Variants in GIGYF2 observed in about 807,000 individuals in gnomAD.
GIGYF2 encodes the protein GRB10-interacting GYF protein 2.
Under a neutral mutation model 208.1 loss-of-function variants are expected in GIGYF2, and 25 were observed. The observed-to-expected ratio is 0.12, with a 90% confidence interval of 0.09 to 0.17. The LOEUF (loss-of-function observed/expected upper bound fraction) is 0.17. GIGYF2 is among the 10% of genes least tolerant of loss of function. The pLI is 1.00. For missense variants in GIGYF2, 1,302 were observed against 1,579.4 expected (o/e 0.82, Z 2.98); for synonymous variants, 534 against 543.8 (o/e 0.98, Z 0.25).
At chr2:232,720,013 T>C (rs543282679) in intron 2 of GIGYF2, among the ~76,000 whole-genome samples, 1 of 152,348 alleles carries the variant, frequency 6.6e-6, no homozygotes. Context: ...GTTACATAGT[T>C]GTACATGTGC....
At chr2:232,811,985 T>C (rs1162783883) in intron 17 of GIGYF2, among the ~76,000 whole-genome samples, 1 of 152,230 alleles carries the variant, frequency 6.6e-6, no homozygotes, top group East Asian at 1.9e-4. Flanking sequence ...GCTGTAGGAC[T>C]TGATTAATGT....
intron 2 of GIGYF2, among the ~76,000 whole-genome samples, chr2:232,722,849 A>G (rs564493396): frequency 2.6e-5 from 4 of 152,316 alleles, no homozygotes; most frequent in Non-Finnish European, 5.9e-5. Flanking sequence ...CAATTTCTTT[A>G]GTTTCCTCAA....
intron 14 of GIGYF2, among the ~76,000 whole-genome samples, chr2:232,802,631 T>C (rs1249408554): frequency 6.6e-6 from 1 of 152,214 alleles, no homozygotes; most frequent in African/African-American, 2.4e-5. Flanking sequence ...AATATATTGC[T>C]GAATTTGCTT....
intron 18 of GIGYF2, 92 bp downstream of exon 18, chr2:232,812,583 TCTGAA>T: frequency 1.5e-6 from 1 of 685,798 alleles, no homozygotes; most frequent in South Asian, 1.6e-5. Flanking sequence ...ATATTAGGTT[TCTGAA>T]TCCATTTTGT....
intron 8 of GIGYF2, among the ~76,000 whole-genome samples, chr2:232,770,351 C>A (rs1699183526): frequency 2.0e-5 from 3 of 152,240 alleles, no homozygotes; most frequent in African/African-American, 7.2e-5. Flanking sequence ...GACATATTTC[C>A]AGTGCATTTT....
chr2:232,857,139 T>G lies in GIGYF2; in HGVS notation c.*279T>G, dbSNP rs1690609199. 1.9e-6 allele frequency: 1 copy of G among 523,676 alleles called. No homozygotes were observed. Among genetic ancestry groups the G allele is most frequent in the Non-Finnish European group, 3.5e-6 (1 of 289,148 alleles). The allele number at this position is 523,676 out of a possible 1,614,324, so 32.4% of individuals were successfully genotyped here. ...AAGGCTGATTTTAGGCAGCATGTGT[T>G]CACTGTGCTGTGATTTCATCTACTG... On this transcript the variant is annotated 3_prime_UTR_variant, in exon 29 of 29. Coordinates refer to ENST00000373563, the MANE Select transcript of GIGYF2 (RefSeq NM_001103146.3).
chr2:232,858,355 C>T lies in GIGYF2; in HGVS notation c.*1495C>T. On this transcript the variant is annotated 3_prime_UTR_variant, in exon 29 of 29. Coordinates refer to ENST00000373563, the MANE Select transcript of GIGYF2 (RefSeq NM_001103146.3). ...TTTATTATTTTGGATCACCATTCTCCCTATCCCTTCTTGCCTCCCTCCCTT... is the reference window on the plus strand; with the variant it reads ...TTTATTATTTTGGATCACCATTCTCTCTATCCCTTCTTGCCTCCCTCCCTT... The T allele has an allele frequency of 2.5e-6, 1 of 407,840 alleles. No individual in the cohort carries two copies. The allele number at this position is 407,840 out of a possible 1,614,324, so 25.3% of individuals were successfully genotyped here.
chr2:232,730,616 A>AAG (rs58663398), intron 2 of GIGYF2, among the ~76,000 whole-genome samples: 2 of 109,816 alleles, frequency 1.8e-5, no homozygotes, highest in African/African-American at 7.1e-5. Flanking sequence ...AAAAAAAAAA[A>AAG]GGCCGGGCGC....
intron 2 of GIGYF2, chr2:232,705,886 G>A (rs1487664792): frequency 2.0e-5 from 3 of 151,944 alleles, no homozygotes; most frequent in South Asian, 2.1e-4. Context: ...TGTATTTTTA[G>A]TAGAGACAGG....
Position 232,836,336 on chromosome 2 carries a change from AT to A in GIGYF2, c.2766+3244del, listed in dbSNP as rs1559160783. 8.4e-3 allele frequency among the ~76,000 whole-genome samples: 361 copies of A among 42,800 alleles called. 18 individuals are homozygous for A. Among genetic ancestry groups the A allele is most frequent in the African/African-American group, 0.026 (258 of 9,930 alleles). The allele number at this position is 42,800 out of a possible 152,430, so 28.1% of individuals were successfully genotyped here. ...TATATATATATATATATATACATAT[AT>A]ATACTTATATATTTATATATATAAA... On this transcript the variant is annotated intron_variant, in intron 22 of 28. Coordinates refer to ENST00000373563, the MANE Select transcript of GIGYF2 (RefSeq NM_001103146.3).
At chr2:232,762,238 GT>G (rs11301320) in intron 8 of GIGYF2, among the ~76,000 whole-genome samples, 41,246 of 128,822 alleles carry the variant, frequency 0.32, 5,851 homozygotes, top group African/African-American at 0.38. Flanking sequence ...TTTTTTTTTT[GT>G]TTTTTTTTTT....
At position 232,819,831 on chromosome 2, in the gene GIGYF2, A is replaced by G; in HGVS notation, c.2375A>G (p.Glu792Gly). Reference sequence around the variant, plus strand: ...CCCTCCATCTTTTTTCCTTAGGAAGAGGCTCTGCGTCGCCAGCGGGAGCAA... The same window carrying G: ...CCCTCCATCTTTTTTCCTTAGGAAGGGGCTCTGCGTCGCCAGCGGGAGCAA... ...EEELARRKQE[E>G]ALRRQREQEI... is the part of the protein sequence containing the mutation. The change falls in exon 21 of 29, where the codon GAG becomes GGG. Residue 792 changes from glutamate (E) to glycine (G), a missense_variant. Physicochemically the swap from Glu to Gly is moderately conservative, Grantham distance 98. This residue lies in a region of GIGYF2 where 701 missense variants were observed against 793.0 expected (regional missense o/e 0.88). Transcript: ENST00000373563. 8.4e-7 allele frequency: 1 copy of G among 1,188,880 alleles called. No individual in the cohort carries two copies. The highest frequency in any genetic ancestry group is 1.1e-6 in the Non-Finnish European group (1 of 882,854). 73.6% of individuals were successfully genotyped at this position (1,188,880 alleles called of 1,614,324 possible).
chr2:232,753,857 A>G (rs1044925606), intron 5 of GIGYF2, among the ~76,000 whole-genome samples: 2 of 152,094 alleles, frequency 1.3e-5, no homozygotes, highest in African/African-American at 2.4e-5. Flanking sequence ...TTGTTATCAC[A>G]TGATTCTGCC....
chr2:232,730,666 A>G (rs1465519372), intron 2 of GIGYF2, among the ~76,000 whole-genome samples: 1 of 148,560 alleles, frequency 6.7e-6, no homozygotes, highest in East Asian at 2.0e-4. Flanking sequence ...TGGGAGGCCG[A>G]GGCGGGCGGA....
intron 3 of GIGYF2, among the ~76,000 whole-genome samples, chr2:232,745,282 A>C (rs1698109611): frequency 6.6e-6 from 1 of 152,140 alleles, no homozygotes; most frequent in Non-Finnish European, 1.5e-5. Context: ...CTATAAATGA[A>C]AGTGAATCCA....
At chr2:232,744,475 G>T (rs146322828) in intron 3 of GIGYF2, among the ~76,000 whole-genome samples, 20 of 152,068 alleles carry the variant, frequency 1.3e-4, no homozygotes, top group African/African-American at 4.3e-4. Flanking sequence ...TTTTAAACTG[G>T]CTATTTTAAA....
chr2:232,700,159 A>T (rs1695780506), intron 1 of GIGYF2, among the ~76,000 whole-genome samples: 1 of 152,256 alleles, frequency 6.6e-6, no homozygotes, highest in African/African-American at 2.4e-5. Flanking sequence ...GATGGAAATT[A>T]CAAGGTCAGT....
chr2:232,794,763 T>G lies in GIGYF2; in HGVS notation c.1298T>G (p.Val433Gly). Residue 433 changes from valine (V) to glycine (G), a missense_variant, in exon 13 of 29, where the codon GTC becomes GGC. Coordinates refer to ENST00000373563, the MANE Select transcript of GIGYF2 (RefSeq NM_001103146.3). Reference sequence around the variant, plus strand: ...TTCCCCCTAGAAATGGTTGCTGATGTCCAGCAGCCCCTGTCGCAGATTCCT... The same window carrying G: ...TTCCCCCTAGAAATGGTTGCTGATGGCCAGCAGCCCCTGTCGCAGATTCCT... ...PSRGDEMVADVQQPLSQIPSD... is the reference protein window; with the variant it reads ...PSRGDEMVADGQQPLSQIPSD... 1 of 1,612,940 alleles carries G rather than the reference T, an allele frequency of 6.2e-7. No individual in the cohort carries two copies.
intron 3 of GIGYF2, among the ~76,000 whole-genome samples, chr2:232,737,101 C>A (rs1184526627): frequency 6.6e-6 from 1 of 152,210 alleles, no homozygotes; most frequent in Non-Finnish European, 1.5e-5. Context: ...GCTACAGTGG[C>A]AGGGTTGACA....
Sources: gnomAD v4.1 joint callset for allele counts (sites outside exome capture counted in the v4.1 genomes callset) on GRCh38, gnomAD v4.1.1 for gene constraint, gnomAD v4.1.1 regional missense constraint, MANE v1.5 for transcripts, NCBI Gene and HGNC (gene_info 2026-07-23, HGNC 2026-07-21) for gene names.